Variants in HELZ observed in about 807,000 individuals in gnomAD.
HELZ encodes the protein ATP-dependent RNA helicase with zinc finger domain.
Under a neutral mutation model 218.2 loss-of-function variants are expected in HELZ, and 23 were observed. The observed-to-expected ratio is 0.11, with a 90% CI of 0.08 to 0.15. HELZ has a LOEUF of 0.15. Among genes scored for constraint, HELZ ranks in the 10% least tolerant of loss-of-function variants. The pLI, the probability that HELZ is intolerant of heterozygous loss-of-function variation, is 1.00. For missense variants in HELZ, 1,813 were observed against 2,353.7 expected (o/e 0.77, Z 4.75); for synonymous variants, 814 against 829.4 (o/e 0.98, Z 0.32).
At chr17:67,111,933 G>T (rs2037293033) in intron 28 of HELZ, among the ~76,000 whole-genome samples, 1 of 152,160 alleles carries the variant, frequency 6.6e-6, no homozygotes, top group South Asian at 2.1e-4. Context: ...TCATAATCAG[G>T]TGTCAAGGTT....
rs1312800821 is a variant in HELZ at position 67,073,100 on chromosome 17, T to C, written c.*5152A>G. The C allele has an allele frequency of 2.0e-5, 3 of 152,246 alleles. No individual in the cohort carries two copies. The highest frequency in any genetic ancestry group is 7.2e-5 in the African/African-American group (3 of 41,466). The allele number at this position is 152,246 out of a possible 1,614,324, so 9.4% of individuals were successfully genotyped here. On this transcript the variant is annotated 3_prime_UTR_variant, in exon 33 of 33. Coordinates refer to ENST00000358691, the MANE Select transcript of HELZ (RefSeq NM_014877.4). ...CAGGACAGATCTGTAAATAGTACTA[T>C]GTGACTTCTACTCTGTGTTGCAACC...
chr17:67,100,175 G>A (rs1353519429), intron 31 of HELZ, among the ~76,000 whole-genome samples: 1 of 152,086 alleles, frequency 6.6e-6, no homozygotes, highest in East Asian at 1.9e-4. Flanking sequence ...GAAATTGGGG[G>A]AGTCACGATG....
intron 13 of HELZ, chr17:67,176,303 A>T (rs949018472): frequency 6.6e-6 from 1 of 152,238 alleles, no homozygotes; most frequent in Non-Finnish European, 1.5e-5. Flanking sequence ...CCCTAATATT[A>T]TATCATGAGC....
intron 17 of HELZ, among the ~76,000 whole-genome samples, chr17:67,151,657 T>C (rs187726741): frequency 6.6e-6 from 1 of 152,352 alleles, no homozygotes; most frequent in Non-Finnish European, 1.5e-5. Flanking sequence ...ATTGCATACT[T>C]ATAACAGGAA....
At chr17:67,171,157 T>C (rs2039300198) in intron 13 of HELZ, among the ~76,000 whole-genome samples, 2 of 151,988 alleles carry the variant, frequency 1.3e-5, no homozygotes, top group Non-Finnish European at 2.9e-5. Flanking sequence ...GCTCTCCATC[T>C]CCCATCTAAG....
At chr17:67,152,113 G>A (rs72838416) in intron 17 of HELZ, among the ~76,000 whole-genome samples, 1,805 of 152,290 alleles carry the variant, frequency 0.012, 15 homozygotes, top group Non-Finnish European at 0.02. Flanking sequence ...GGTGGATAGC[G>A]GTGTGCTGGT....
rs1463732971 is a variant in HELZ, at chr17:67,122,029, C to A, written c.3630+941G>T. ...CTCAATAAAATATTTTAAAAGATTA[C>A]AAATTAAATATTTAGATTTACAAAT... On this transcript the variant is annotated intron_variant, in intron 26 of 32. Transcript: ENST00000358691. Among the ~76,000 whole-genome samples the A allele has an allele frequency of 5.9e-5, 9 of 152,172 alleles. No homozygotes were observed. The East Asian group carries it at 1.7e-3, about 29-fold the overall frequency.
At position 67,134,057 on chromosome 17, in the gene HELZ, A is replaced by G. The variant is rs745403697; in HGVS notation, c.3182+1913T>C. On this transcript the variant is annotated intron_variant, in intron 23 of 32. Coordinates refer to ENST00000358691, the MANE Select transcript of HELZ (RefSeq NM_014877.4). ...GCAAAATTAGTAGACTTCTTGATAT[A>G]CCTGGTTCTTCTATTCATTTGTAAC... 7.1e-4 allele frequency among the ~76,000 whole-genome samples: 108 copies of G among 152,158 alleles called. 2 individuals carry two copies. Among genetic ancestry groups the G allele is most frequent in the Non-Finnish European group, 5.3e-4 (36 of 68,018 alleles).
intron 3 of HELZ, among the ~76,000 whole-genome samples, chr17:67,238,601 G>A (rs1328851038): frequency 6.6e-5 from 10 of 152,064 alleles, no homozygotes; most frequent in African/African-American, 2.4e-4. Context: ...AGAATTGCTT[G>A]AACCCAGGAG....
chr17:67,100,434 C>T (rs1310240419), intron 31 of HELZ, among the ~76,000 whole-genome samples: 1 of 152,096 alleles, frequency 6.6e-6, no homozygotes, highest in East Asian at 1.9e-4. Context: ...TATCAGAAAG[C>T]CATTACAATA....
intron 17 of HELZ, among the ~76,000 whole-genome samples, chr17:67,156,725 A>G (rs932081294): frequency 2.0e-5 from 3 of 151,724 alleles, no homozygotes; most frequent in Non-Finnish European, 4.4e-5. Flanking sequence ...ATCACCACCA[A>G]TACCCTAGTG....
chr17:67,120,373 T>C (rs1192103571), intron 27 of HELZ, 32 bp downstream of exon 27: 2 of 1,560,796 alleles, frequency 1.3e-6, no homozygotes, highest in East Asian at 4.5e-5. Flanking sequence ...GTCATCAGTT[T>C]ATGAACAGGA....
intron 15 of HELZ, among the ~76,000 whole-genome samples, chr17:67,166,160 A>T (rs951354701): frequency 2.0e-5 from 3 of 152,158 alleles, no homozygotes; most frequent in Non-Finnish European, 2.9e-5. Context: ...AAATTATTTT[A>T]AATTAACTAC....
In HELZ at chr17:67,142,950, G is replaced by A. The variant is rs543569356; in HGVS notation, c.2769+2793C>T. The stretch of plus-strand genomic sequence containing the variant: ...TTTTTTGTATTTTTTTTGTAGAGAC[G>A]GGGTTTCACCATGTTGCCCAGGCTG... On this transcript the variant is annotated intron_variant, in intron 21 of 32. Transcript: ENST00000358691. Among the ~76,000 whole-genome samples, 5 of 151,712 alleles carry A rather than the reference G, an allele frequency of 3.3e-5. No homozygotes were observed. The South Asian group carries it at 6.3e-4, about 19-fold the overall frequency.
At chr17:67,215,964 A>T (rs754366401) in intron 4 of HELZ, 29 bp from the exon 5 acceptor site, 1 of 1,307,050 alleles carries the variant, frequency 7.7e-7, no homozygotes, top group Non-Finnish European at 1.1e-6. Context: ...AGATAAAATT[A>T]AGTATTTCAA....
At chr17:67,143,233 ACT>A (rs1225348624) in intron 21 of HELZ, among the ~76,000 whole-genome samples, 1 of 151,530 alleles carries the variant, frequency 6.6e-6, no homozygotes, top group Non-Finnish European at 1.5e-5. Context: ...TATCTGTACA[ACT>A]CTGTCTACCT....
chr17:67,190,110 T>C lies in HELZ; in HGVS notation c.756+47A>G, dbSNP rs760509612. On this transcript the variant is annotated intron_variant, in intron 10 of 32. Transcript: ENST00000358691. Reference sequence around the variant, plus strand: ...GCACACAATAAAGTCAAGACTCAAGTTCATTGTTTAAGACAAACAAAAAAT... The same window carrying C: ...GCACACAATAAAGTCAAGACTCAAGCTCATTGTTTAAGACAAACAAAAAAT... 8 of 1,499,950 alleles carry C rather than the reference T, an allele frequency of 5.3e-6. No homozygotes were observed. In the Admixed American group the frequency reaches 1.0e-4, roughly 19 times the overall value. 92.9% of individuals were successfully genotyped at this position (1,499,950 alleles called of 1,614,324 possible).
chr17:67,240,557 A>C (rs1301146220), intron 2 of HELZ, among the ~76,000 whole-genome samples: 1 of 152,220 alleles, frequency 6.6e-6, no homozygotes, highest in African/African-American at 2.4e-5. Flanking sequence ...TTTCATCACA[A>C]CAAAGATAAT....
chr17:67,173,362 A>G (rs1394335958), intron 13 of HELZ, among the ~76,000 whole-genome samples: 2 of 152,184 alleles, frequency 1.3e-5, no homozygotes, highest in Non-Finnish European at 2.9e-5. Flanking sequence ...AAGAAAAACC[A>G]TCTTTCCATT....
Sources: allele counts gnomAD v4.1 joint callset (sites outside exome capture counted in the v4.1 genomes callset), GRCh38; gene constraint gnomAD v4.1.1; transcripts MANE v1.5; gene names NCBI Gene and HGNC (gene_info 2026-07-23, HGNC 2026-07-21).